Variants in ASB8 observed in about 807,000 individuals in gnomAD.
ASB8 encodes the protein ankyrin repeat and SOCS box containing 8.
A neutral mutation model predicts 22.9 loss-of-function variants in ASB8; 15 were observed. That is an observed-to-expected ratio of 0.66 (90% CI 0.44 to 1.01). The LOEUF (loss-of-function observed/expected upper bound fraction) is 1.01. Among genes scored for constraint, ASB8 ranks in the 50% least tolerant of loss-of-function variants. The pLI, the probability that ASB8 is intolerant of heterozygous loss-of-function variation, is 0.00. For missense variants in ASB8, 294 were observed against 356.9 expected, an observed-to-expected ratio of 0.82 and a Z score of 1.42; for synonymous variants, 124 against 140.8, an observed-to-expected ratio of 0.88 and a Z score of 0.84.
chr12:48,147,957 C>A lies in ASB8; in HGVS notation c.*1409G>T, dbSNP rs1951125432. On this transcript the variant is annotated 3_prime_UTR_variant, in exon 4 of 4. Transcript: ENST00000317697. ...AAAAAAAGTTTTTCAAATTTGCATA[C>A]AAGTCATCTAAAATCAATAACAACT... is the stretch of plus-strand genomic sequence containing the variant. 2.0e-5 allele frequency: 3 copies of A among 151,992 alleles called. No individual in the cohort carries two copies. The South Asian group carries it at 6.2e-4, about 32-fold the overall frequency. The allele number at this position is 151,992 out of a possible 1,614,324, so 9.4% of individuals were successfully genotyped here. A position where few individuals can be genotyped will look rare whatever the true frequency, so the allele number is the denominator to read the frequency against.
intron 1 of ASB8, among the ~76,000 whole-genome samples, chr12:48,156,862 G>A (rs968479058): frequency 5.9e-5 from 9 of 151,972 alleles, no homozygotes; most frequent in African/African-American, 2.2e-4. Flanking sequence ...CTAGACAGCA[G>A]CCCGTGTAAG....
At position 48,151,258 on chromosome 12, in the gene ASB8, A is replaced by G; in HGVS notation, c.177T>C (p.Cys59=). ...CTHGTLKPLH[C]ACMVSDADCV... The stretch of plus-strand genomic sequence containing the variant: ...AGTCAGCATCTGACACCATACAGGC[A>G]CAGTGCAAGGGCTTCAGTGTGCCAT... Residue 59 remains cysteine, a synonymous_variant, in exon 3 of 4, where the codon TGT becomes TGC. Coordinates refer to ENST00000317697, the MANE Select transcript of ASB8 (RefSeq NM_024095.5). The G allele has an allele frequency of 1.2e-6, 2 of 1,614,058 alleles. No homozygotes were observed. Among genetic ancestry groups the G allele is most frequent in the Non-Finnish European group, 8.5e-7 (1 of 1,179,876 alleles).
At position 48,149,457 on chromosome 12, in the gene ASB8, C is replaced by A; in HGVS notation, c.776G>T (p.Arg259Leu). The change falls in exon 4 of 4, where the codon CGC (arginine) becomes CTC (leucine). Residue 259 changes from arginine to leucine, a missense_variant. Coordinates refer to ENST00000317697, the MANE Select transcript of ASB8 (RefSeq NM_024095.5). ...GAGATACTGGAGTCCCAGGCTACGG[C>A]GCACGGCATAGCGAGCGAGTGTTTT... ...TLKTLARYAV[R>L]RSLGLQYLPD... is the part of the protein sequence containing the mutation. The A allele has an allele frequency of 6.2e-7, 1 of 1,614,112 alleles. No homozygotes were observed.
At position 48,149,564 on chromosome 12, in the gene ASB8, A is replaced by G. The variant is rs916560290; in HGVS notation, c.669T>C (p.Asn223=). 3.7e-6 allele frequency: 6 copies of G among 1,613,924 alleles called. No individual in the cohort carries two copies. In the African/African-American group the frequency reaches 5.3e-5, roughly 14 times the overall value. Residue 223 remains asparagine, a synonymous_variant, in exon 4 of 4, where the codon AAT becomes AAC. Transcript: ENST00000317697. ...TGGCCACCTCTCGTGGCATGGTGCC[A>G]TTTTTCCTCAATTCAAAGTGTCCAA... ...RAVGHFELRK[N]GTMPREVARD... is the part of the protein sequence containing the mutation.
At chr12:48,151,844 G>T (rs978413828) in intron 2 of ASB8, among the ~76,000 whole-genome samples, 2 of 152,112 alleles carry the variant, frequency 1.3e-5, no homozygotes, top group African/African-American at 2.4e-5. Context: ...GCCTTTGCTG[G>T]TGCTTCTATT....
chr12:48,154,351 G>A (rs1046563609), intron 1 of ASB8, among the ~76,000 whole-genome samples: 5 of 151,808 alleles, frequency 3.3e-5, no homozygotes, highest in Admixed American at 2.0e-4. Flanking sequence ...CGTGGTGGTG[G>A]GCGCCTGTAG....
intron 2 of ASB8, 22 bp from the exon 3 acceptor site, chr12:48,151,327 A>C (rs766290175): frequency 6.3e-7 from 1 of 1,576,224 alleles, no homozygotes; most frequent in South Asian, 1.1e-5. Context: ...AGACAACTTC[A>C]GTCAGTGTGT....
At chr12:48,156,537 C>G (rs1283204582) in intron 1 of ASB8, among the ~76,000 whole-genome samples, 1 of 152,194 alleles carries the variant, frequency 6.6e-6, no homozygotes, top group Non-Finnish European at 1.5e-5. Flanking sequence ...GCAGGAGGAA[C>G]TCTTGAACCT....
rs914502267 is a variant in ASB8 at position 48,148,135 on chromosome 12, C to T, written c.*1231G>A. On this transcript the variant is annotated 3_prime_UTR_variant, in exon 4 of 4. Coordinates refer to ENST00000317697, the MANE Select transcript of ASB8 (RefSeq NM_024095.5). ...TTGTATTGTATAAATCAATAAAAAG[C>T]AAAGGTTCCAGAACAACTGAAAGAA... 1 of 152,086 alleles carries T rather than the reference C, an allele frequency of 6.6e-6. No homozygotes were observed. Among genetic ancestry groups the T allele is most frequent in the Non-Finnish European group, 1.5e-5 (1 of 68,024 alleles). The allele number at this position is 152,086 out of a possible 1,614,324, so 9.4% of individuals were successfully genotyped here.
At position 48,153,536 on chromosome 12, in the gene ASB8, CAAA is replaced by C. The variant is rs756849001; in HGVS notation, c.-33-10_-33-8del. ...TTCACATGCTCCAAACTGCCTGAAA[CAAA>C]GAAGTTTTCGGCATATACAATATCA... is the stretch of plus-strand genomic sequence containing the variant. On this transcript the variant is annotated splice_region_variant and splice_polypyrimidine_tract_variant and intron_variant, in intron 1 of 3. Transcript: ENST00000317697. 2.8e-5 allele frequency: 45 copies of C among 1,608,788 alleles called. 1 individual carries two copies. Among genetic ancestry groups the C allele is most frequent in the South Asian group, 5.5e-5 (5 of 90,740 alleles).
chr12:48,150,064 A>C, intron 3 of ASB8, 66 bp from the exon 4 acceptor site: 2 of 1,538,748 alleles, frequency 1.3e-6, no homozygotes, highest in Non-Finnish European at 1.8e-6. Context: ...AGCAGCAAAG[A>C]AGCTTGCATG....
chr12:48,157,152 C>A (rs1298739914), intron 1 of ASB8: 1 of 152,282 alleles, frequency 6.6e-6, no homozygotes, highest in South Asian at 2.1e-4. Context: ...GCAGCTGTCT[C>A]GCTGAGGCTA....
At chr12:48,154,480 CAAAAA>C (rs11384481) in intron 1 of ASB8, among the ~76,000 whole-genome samples, 5 of 73,810 alleles carry the variant, frequency 6.8e-5, no homozygotes, top group African/African-American at 2.7e-4. Flanking sequence ...GACTCTATCT[CAAAAA>C]AAAAAAAAAA....
chr12:48,154,360 A>C (rs1393094862), intron 1 of ASB8, among the ~76,000 whole-genome samples: 1 of 151,432 alleles, frequency 6.6e-6, no homozygotes, highest in African/African-American at 2.4e-5. Context: ...GGGCGCCTGT[A>C]GTCCCAACTA....
chr12:48,151,476 G>T, intron 2 of ASB8, 171 bp from the exon 3 acceptor site: 1 of 1,059,938 alleles, frequency 9.4e-7, no homozygotes, highest in Non-Finnish European at 1.4e-6. Context: ...CCAAACCAAA[G>T]GAGTACACTG....
intron 3 of ASB8, chr12:48,150,259 C>G: frequency 1.4e-6 from 1 of 692,176 alleles, no homozygotes; most frequent in Admixed American, 2.0e-5. Context: ...TTGGTTTTTG[C>G]TGCAATGTTC....
intron 1 of ASB8, among the ~76,000 whole-genome samples, chr12:48,155,519 C>T (rs1951285947): frequency 6.6e-6 from 1 of 151,754 alleles, no homozygotes; most frequent in South Asian, 2.1e-4. Context: ...GTCAGCAGTT[C>T]GAGACTAGCC....
At position 48,149,030 on chromosome 12, in the gene ASB8, C is replaced by T. The variant is rs1951150836; in HGVS notation, c.*336G>A. Reference sequence around the variant, plus strand: ...CGTCCCCAAAGGAAAACCACACACACATTATTTAAGTACTTTCCATCTTCC... The same window carrying T: ...CGTCCCCAAAGGAAAACCACACACATATTATTTAAGTACTTTCCATCTTCC... On this transcript the variant is annotated 3_prime_UTR_variant, in exon 4 of 4. Transcript: ENST00000317697. The T allele has an allele frequency of 3.4e-6, 1 of 291,278 alleles. No homozygotes were observed. Among genetic ancestry groups the T allele is most frequent in the South Asian group, 4.3e-5 (1 of 23,444 alleles). The allele number at this position is 291,278 out of a possible 1,614,324, so 18.0% of individuals were successfully genotyped here. A position where few individuals can be genotyped will look rare whatever the true frequency, so the allele number is the denominator to read the frequency against.
At chr12:48,157,184 G>A (rs1951321080) in intron 1 of ASB8, 1 of 152,260 alleles carries the variant, frequency 6.6e-6, no homozygotes, top group Admixed American at 6.5e-5. Context: ...GCAAGGGCAC[G>A]AAACGCAAGG....
Sources: gnomAD v4.1 joint callset for allele counts (sites outside exome capture counted in the v4.1 genomes callset) on GRCh38, gnomAD v4.1.1 for gene constraint, MANE v1.5 for transcripts, NCBI Gene and HGNC (gene_info 2026-07-23, HGNC 2026-07-21) for gene names.